Variants in DENND6B observed in about 807,000 individuals in gnomAD.
DENND6B encodes the protein DENN domain containing 6B, also known as protein DENND6B.
A neutral mutation model predicts 85.1 loss-of-function variants in DENND6B; 73 were observed. That is an observed-to-expected ratio of 0.86 (90% CI 0.71 to 1.04). The LOEUF is 1.04. DENND6B is among the 50% of genes least tolerant of loss of function. The probability of loss-of-function intolerance (pLI) is 0.00; values close to 1 mark genes in which losing one functional copy is unlikely to be tolerated. For missense variants in DENND6B, 715 were observed against 785.8 expected (o/e 0.91, Z 1.08); for synonymous variants, 357 against 329.3 (o/e 1.08, Z -0.91).
At chr22:50,321,115 C>A (rs533067826) in intron 1 of DENND6B, among the ~76,000 whole-genome samples, 1 of 152,140 alleles carries the variant, frequency 6.6e-6, no homozygotes, top group South Asian at 2.1e-4. Context: ...ACCAGTCACC[C>A]GGAGGAAGAC....
intron 5 of DENND6B, 58 bp from the exon 6 acceptor site, chr22:50,316,533 G>A: frequency 6.5e-7 from 1 of 1,549,094 alleles, no homozygotes. Context: ...TCGCCACTCA[G>A]GAGCCCACGG....
intron 15 of DENND6B, 67 bp from the exon 16 acceptor site, chr22:50,313,566 C>T (rs1337251823): frequency 2.7e-5 from 38 of 1,427,546 alleles, no homozygotes; most frequent in South Asian, 1.1e-4. Context: ...CCCGCAGCCC[C>T]GTCCCCCCCA....
At position 50,312,277 on chromosome 22, in the gene DENND6B, T is replaced by C. The variant is rs931705526; in HGVS notation, c.1636-16A>G. 4.3e-6 allele frequency: 7 copies of C among 1,611,884 alleles called. No individual in the cohort carries two copies. The highest frequency in any genetic ancestry group is 5.9e-6 in the Non-Finnish European group (7 of 1,179,540). Reference sequence around the variant, plus strand: ...GAGCCCGCACCTGGAGGGGCAGCCATGGTCAGGGCAGGCGCAGCTCCGTGC... The same window carrying C: ...GAGCCCGCACCTGGAGGGGCAGCCACGGTCAGGGCAGGCGCAGCTCCGTGC... On this transcript the variant is annotated splice_polypyrimidine_tract_variant and intron_variant, in intron 19 of 19. Transcript: ENST00000413817.
chr22:50,317,118 G>A, intron 5 of DENND6B, 175 bp downstream of exon 5: 1 of 528,488 alleles, frequency 1.9e-6, no homozygotes, highest in East Asian at 3.7e-5. Flanking sequence ...AGGGTGGGGG[G>A]CGGCGAGGAC....
At chr22:50,320,374 C>T (rs1312887088) in intron 1 of DENND6B, among the ~76,000 whole-genome samples, 1 of 152,206 alleles carries the variant, frequency 6.6e-6, no homozygotes, top group Non-Finnish European at 1.5e-5. Flanking sequence ...GTGAGCCACG[C>T]CCAGCTTGCT....
rs757482412 is a variant in DENND6B, at chr22:50,318,955, C to T, written c.216+10G>A. On this transcript the variant is annotated intron_variant, in intron 2 of 19. Coordinates refer to ENST00000413817, the MANE Select transcript of DENND6B (RefSeq NM_001001794.4). ...GGGTCCTGTCCATTCCCAAGAGGGCCGGGACTCACCTCCTTGTCTGTGAGC... is the reference window on the plus strand; with the variant it reads ...GGGTCCTGTCCATTCCCAAGAGGGCTGGGACTCACCTCCTTGTCTGTGAGC... 14 of 1,607,746 alleles carry T rather than the reference C, an allele frequency of 8.7e-6. No homozygotes were observed. In the East Asian group the frequency reaches 2.5e-4, roughly 28 times the overall value.
Sources: allele counts gnomAD v4.1 joint callset (sites outside exome capture counted in the v4.1 genomes callset), GRCh38; gene constraint gnomAD v4.1.1; transcripts MANE v1.5; gene names NCBI Gene and HGNC (gene_info 2026-07-23, HGNC 2026-07-21).